EHBP1: variants seen among roughly 807,000 people sequenced by gnomAD.
The protein encoded by EHBP1 is EH domain-binding protein 1.
Under a neutral mutation model 144.0 loss-of-function variants are expected in EHBP1, and 55 were observed. That is an observed-to-expected ratio of 0.38 (90% CI 0.31 to 0.48). The LOEUF is 0.48. Among genes scored for constraint, EHBP1 ranks in the 20% least tolerant of loss-of-function variants. The pLI, the probability that EHBP1 is intolerant of heterozygous loss-of-function variation, is 0.98. For synonymous variants in EHBP1, 469 were observed against 472.7 expected, an observed-to-expected ratio of 0.99 and a Z score of 0.10; for missense variants, 1,200 against 1,364.2, an observed-to-expected ratio of 0.88 and a Z score of 1.90.
At chr2:62,987,722 A>AT (rs1299881991) in intron 15 of EHBP1, among the ~76,000 whole-genome samples, 1 of 152,154 alleles carries the variant, frequency 6.6e-6, no homozygotes, top group African/African-American at 2.4e-5. Flanking sequence ...CTTTGATGTG[A>AT]TAATTCATGT....
intron 10 of EHBP1, among the ~76,000 whole-genome samples, chr2:62,914,499 AGTTTAGGTT>A (rs1209094200): frequency 6.6e-6 from 1 of 152,118 alleles, no homozygotes; most frequent in Admixed American, 6.5e-5. Flanking sequence ...GTACTATATT[AGTTTAGGTT>A]TTATTTTGAA....
intron 19 of EHBP1, among the ~76,000 whole-genome samples, chr2:63,037,137 C>T (rs1170747873): frequency 6.6e-6 from 1 of 151,840 alleles, no homozygotes; most frequent in Non-Finnish European, 1.5e-5. Flanking sequence ...CTCTGGACTT[C>T]CCTGATCTTC....
rs1019384251 is a variant in EHBP1, at chr2:62,955,629, C to T, written c.2429C>T (p.Ala810Val). ...GGGAATAAGCACAATACCAACACAGCCACCCCATTCTGCAACAGGCAGCTA... is the reference window on the plus strand; with the variant it reads ...GGGAATAAGCACAATACCAACACAGTCACCCCATTCTGCAACAGGCAGCTA... ...KAGNKHNTNTATPFCNRQLSD... is the reference protein window; with the variant it reads ...KAGNKHNTNTVTPFCNRQLSD... Residue 810 changes from alanine to valine, a missense_variant, in exon 14 of 23, where the codon GCC becomes GTC. Coordinates refer to ENST00000431489, the MANE Select transcript of EHBP1 (RefSeq NM_001142616.3). 1.2e-6 allele frequency: 2 copies of T among 1,611,370 alleles called. No homozygotes were observed. The highest frequency in any genetic ancestry group is 2.2e-5 in the South Asian group (2 of 90,552).
intron 4 of EHBP1, among the ~76,000 whole-genome samples, chr2:62,769,964 A>G (rs966139933): frequency 6.6e-6 from 1 of 152,184 alleles, no homozygotes; most frequent in Admixed American, 6.5e-5. Flanking sequence ...CTGGCTAGCC[A>G]TATGCAGAAG....
chr2:62,950,145 T>G (rs908490083), intron 13 of EHBP1, among the ~76,000 whole-genome samples: 2 of 151,948 alleles, frequency 1.3e-5, no homozygotes, highest in Non-Finnish European at 2.9e-5. Context: ...TTTTTTTTTC[T>G]GCACAGTTAT....
chr2:62,764,580 G>A (rs1050082769), intron 4 of EHBP1, among the ~76,000 whole-genome samples: 3 of 152,056 alleles, frequency 2.0e-5, no homozygotes, highest in African/African-American at 7.2e-5. Context: ...ATTCAGATCA[G>A]CTGACATAGT....
intron 2 of EHBP1, among the ~76,000 whole-genome samples, chr2:62,720,316 C>T (rs1452523011): frequency 1.3e-5 from 2 of 152,104 alleles, no homozygotes; most frequent in African/African-American, 4.8e-5. Context: ...TCTGGTCTCC[C>T]CTTTGCCTAT....
chr2:62,847,682 G>C (rs1323173471), intron 7 of EHBP1, among the ~76,000 whole-genome samples: 3 of 152,040 alleles, frequency 2.0e-5, no homozygotes, highest in African/African-American at 7.2e-5. Flanking sequence ...GAAAAAAGAA[G>C]ACCATTAAGA....
At chr2:62,974,767 CT>C (rs2058642726) in intron 14 of EHBP1, among the ~76,000 whole-genome samples, 1 of 152,174 alleles carries the variant, frequency 6.6e-6, no homozygotes. Context: ...ATTAATGCTG[CT>C]AGATTCGTGG....
chr2:62,871,372 G>A lies in EHBP1; in HGVS notation c.999-2974G>A, dbSNP rs527383449. On this transcript the variant is annotated intron_variant, in intron 9 of 22. Transcript: ENST00000431489. ...AAGTCACAGTCTTTACAAGTTTCTC[G>A]TGAATAAAGAGTGTTCTAACTTGCT... Among the ~76,000 whole-genome samples, 23 of 152,232 alleles carry A rather than the reference G, an allele frequency of 1.5e-4. No individual in the cohort carries two copies. The South Asian group carries it at 2.3e-3, about 15-fold the overall frequency.
At chr2:62,974,191 T>C (rs1265848626) in intron 14 of EHBP1, among the ~76,000 whole-genome samples, 1 of 152,076 alleles carries the variant, frequency 6.6e-6, no homozygotes, top group Non-Finnish European at 1.5e-5. Context: ...CCTACCACAA[T>C]ATACACTTCA....
chr2:62,804,444 G>A (rs1434310289), intron 5 of EHBP1, among the ~76,000 whole-genome samples: 1 of 152,148 alleles, frequency 6.6e-6, no homozygotes, highest in Non-Finnish European at 1.5e-5. Flanking sequence ...ATTATAAGTG[G>A]ATGAGAAAGT....
chr2:62,873,517 T>C (rs921124520), intron 9 of EHBP1, among the ~76,000 whole-genome samples: 1 of 152,046 alleles, frequency 6.6e-6, no homozygotes, highest in Non-Finnish European at 1.5e-5. Context: ...TAATAAGATA[T>C]TTCAAAGAGA....
intron 2 of EHBP1, among the ~76,000 whole-genome samples, chr2:62,727,531 T>C (rs2036949433): frequency 6.6e-6 from 1 of 152,210 alleles, no homozygotes; most frequent in African/African-American, 2.4e-5. Context: ...TTCTGTTCTC[T>C]CTAGATTTGC....
Position 62,925,708 on chromosome 2 carries a change from G to A in EHBP1, c.1186-17010G>A, listed in dbSNP as rs577936247. ...CCAGAATTAATTTAACCAAGGAGGT[G>A]AAAGACTCTACATGGAAAACTGCAA... On this transcript the variant is annotated intron_variant, in intron 10 of 22. Transcript: ENST00000431489. 5.9e-5 allele frequency among the ~76,000 whole-genome samples: 9 copies of A among 152,146 alleles called. No homozygotes were observed. The East Asian group carries it at 1.7e-3, about 29-fold the overall frequency.
intron 3 of EHBP1, among the ~76,000 whole-genome samples, chr2:62,751,135 T>C (rs914456027): frequency 1.3e-5 from 2 of 152,012 alleles, no homozygotes; most frequent in African/African-American, 2.4e-5. Context: ...ATAAATAGCT[T>C]TTATTATTTT....
chr2:62,921,191 A>G (rs1194482225), intron 10 of EHBP1, among the ~76,000 whole-genome samples: 1 of 152,132 alleles, frequency 6.6e-6, no homozygotes, highest in Non-Finnish European at 1.5e-5. Context: ...CATGCCTGTA[A>G]TCCCAGCACT....
chr2:62,888,270 CT>C (rs2052110158), intron 10 of EHBP1, among the ~76,000 whole-genome samples: 2 of 152,220 alleles, frequency 1.3e-5, no homozygotes. Flanking sequence ...CAGTAACTCA[CT>C]TACAGGCCCT....
intron 19 of EHBP1, among the ~76,000 whole-genome samples, chr2:63,004,332 A>AGT (rs962873147): frequency 2.6e-5 from 4 of 152,066 alleles, no homozygotes; most frequent in African/African-American, 9.6e-5. Context: ...ATCTTATGGA[A>AGT]GTGTAAGTTC....
Sources: gnomAD v4.1 joint callset for allele counts (sites outside exome capture counted in the v4.1 genomes callset) on GRCh38, gnomAD v4.1.1 for gene constraint, MANE v1.5 for transcripts, NCBI Gene and HGNC (gene_info 2026-07-23, HGNC 2026-07-21) for gene names.